NTRK1: variants seen among roughly 807,000 people sequenced by gnomAD.
NTRK1 encodes the protein high affinity nerve growth factor receptor.
In NTRK1, 62 loss-of-function variants were observed where a neutral mutation model predicts 86.8. That is an observed-to-expected ratio of 0.71 (90% CI 0.58 to 0.88). The LOEUF (loss-of-function observed/expected upper bound fraction) is 0.88, where lower values mean the gene tolerates loss of function less well. Among genes scored for constraint, NTRK1 ranks in the 40% least tolerant of loss-of-function variants. The pLI is 0.00. For synonymous variants in NTRK1, 469 were observed against 456.6 expected (o/e 1.03, Z -0.35); for missense variants, 967 against 1,078.4 (o/e 0.90, Z 1.45).
At chr1:156,855,922 T>C (rs916770720), upstream of NTRK1, among the ~76,000 whole-genome samples, 4 of 151,890 alleles carry the variant, frequency 2.6e-5, no homozygotes, top group Non-Finnish European at 5.9e-5. Flanking sequence ...AATGTGCGTG[T>C]GTGTGTGTGT....
intron 2 of NTRK1, chr1:156,845,633 C>T: frequency 6.3e-7 from 1 of 1,598,664 alleles, no homozygotes; most frequent in South Asian, 1.1e-5. Flanking sequence ...GGATGGTGAT[C>T]GCGTTGTGTA....
At chr1:156,840,685 C>G (rs981518999) in intron 1 of NTRK1, 1 of 611,244 alleles carries the variant, frequency 1.6e-6, no homozygotes, top group South Asian at 2.0e-5. Context: ...GACTCAGAGT[C>G]TGAGAAACTC....
At position 156,854,444 on chromosome 1, in the gene NTRK1, T is replaced by G. The variant is rs1655341414; in HGVS notation, c.51-9910T>G. On this transcript the variant is annotated intron_variant, in intron 2 of 16. Transcript: ENST00000392302. This position sits in a 1 kb window ranked among gnomAD's most constrained non-coding sequence, Gnocchi z 4.2. ...GCTCTGCTCTGGGTGTGGGGTGGCC[T>G]CCTTCCTGGGCCCCGGAGGGCTCAC... 10 of 914,102 alleles carry G rather than the reference T, an allele frequency of 1.1e-5. No individual in the cohort carries two copies. Among genetic ancestry groups the G allele is most frequent in the Non-Finnish European group, 1.4e-5 (9 of 621,824 alleles). 56.6% of individuals were successfully genotyped at this position (914,102 alleles called of 1,614,324 possible).
chr1:156,874,773 C>G (rs752777919), intron 10 of NTRK1, 133 bp from the exon 11 acceptor site: 2 of 1,180,632 alleles, frequency 1.7e-6, no homozygotes, highest in Non-Finnish European at 2.5e-6. Context: ...CTGCAGGGGT[C>G]CCCAGGGGAG....
chr1:156,830,673 A>G (rs1571645675), intron 1 of NTRK1, among the ~76,000 whole-genome samples: 1 of 147,676 alleles, frequency 6.8e-6, no homozygotes, highest in Non-Finnish European at 1.5e-5. Flanking sequence ...TCTTGCCTCA[A>G]CCTCCTGAGT....
chr1:156,849,321 C>G, intron 2 of NTRK1: 1 of 1,613,954 alleles, frequency 6.2e-7, no homozygotes, highest in East Asian at 2.2e-5. Flanking sequence ...GTCACCTCCT[C>G]CAGTCGGTAG....
At chr1:156,846,628 A>T in intron 2 of NTRK1, 1 of 1,614,042 alleles carries the variant, frequency 6.2e-7, no homozygotes, top group Non-Finnish European at 8.5e-7. Flanking sequence ...ACTGTGTCCA[A>T]GGCTTGAGGG....
At chr1:156,848,479 G>C (rs1339721670) in intron 2 of NTRK1, among the ~76,000 whole-genome samples, 1 of 152,176 alleles carries the variant, frequency 6.6e-6, no homozygotes, top group Admixed American at 6.5e-5. Flanking sequence ...CCAAAGAAAA[G>C]AGCAGCTGTG....
intron 2 of NTRK1, among the ~76,000 whole-genome samples, chr1:156,848,297 A>G (rs920692796): frequency 2.6e-5 from 4 of 152,138 alleles, no homozygotes; most frequent in Non-Finnish European, 5.9e-5. Context: ...ATCTTCTATA[A>G]TATCTACCAG....
chr1:156,824,976 G>A (rs971385722), intron 1 of NTRK1, among the ~76,000 whole-genome samples: 1 of 152,076 alleles, frequency 6.6e-6, no homozygotes, highest in Non-Finnish European at 1.5e-5. Flanking sequence ...TGCAACCTCC[G>A]CCTCCCAGGT....
intron 2 of NTRK1, chr1:156,846,533 C>A (rs762613259): frequency 6.2e-6 from 10 of 1,613,526 alleles, no homozygotes. Context: ...AGGCAGCGTT[C>A]GGAGGTAGAC....
intron 2 of NTRK1, chr1:156,846,059 C>T (rs774562883): frequency 6.2e-7 from 1 of 1,612,876 alleles, no homozygotes; most frequent in East Asian, 2.2e-5. Context: ...TGGCTTCCAG[C>T]GCACCAGGAG....
chr1:156,827,513 C>T (rs1227210682), intron 1 of NTRK1, among the ~76,000 whole-genome samples: 4 of 152,078 alleles, frequency 2.6e-5, no homozygotes, highest in South Asian at 2.1e-4. Flanking sequence ...CCATACACCT[C>T]GGCCTCCCCA....
chr1:156,817,608 C>A (rs1466518722), intron 1 of NTRK1, among the ~76,000 whole-genome samples: 1 of 151,144 alleles, frequency 6.6e-6, no homozygotes, highest in Admixed American at 6.6e-5. Context: ...TCAACACTAT[C>A]AGCAGTTGTC....
intron 1 of NTRK1, among the ~76,000 whole-genome samples, chr1:156,829,945 G>A (rs1481226032): frequency 2.6e-5 from 4 of 152,204 alleles, no homozygotes; most frequent in Middle Eastern, 3.2e-3. Flanking sequence ...GAGCCACTAC[G>A]CTTGGCCCAG....
intron 14 of NTRK1, among the ~76,000 whole-genome samples, chr1:156,878,419 G>T (rs1177484908): frequency 1.3e-5 from 2 of 152,192 alleles, no homozygotes; most frequent in African/African-American, 2.4e-5. Flanking sequence ...CTGCTTATCT[G>T]CATCATACTC....
At chr1:156,852,127 C>T (rs191929006) in intron 2 of NTRK1, 2 of 1,613,390 alleles carry the variant, frequency 1.2e-6, no homozygotes, top group East Asian at 4.5e-5. Context: ...TGCAGCCCCC[C>T]AGGCATTCGG....
intron 2 of NTRK1, chr1:156,848,784 C>T: frequency 1.9e-6 from 2 of 1,031,456 alleles, no homozygotes; most frequent in East Asian, 2.6e-5. Context: ...TGGGCCCTAC[C>T]ACGGAGTACA....
At chr1:156,838,372 A>G (rs867987625) in intron 1 of NTRK1, among the ~76,000 whole-genome samples, 3 of 131,572 alleles carry the variant, frequency 2.3e-5, no homozygotes, top group Middle Eastern at 7.6e-3. Flanking sequence ...AGCCAGCTAC[A>G]GGCTTTTTTT....
Sources: gnomAD v4.1 joint callset for allele counts (sites outside exome capture counted in the v4.1 genomes callset) on GRCh38, gnomAD v4.1.1 for gene constraint, Gnocchi (gnomAD v3.1) non-coding constraint, MANE v1.5 for transcripts, NCBI Gene and HGNC (gene_info 2026-07-23, HGNC 2026-07-21) for gene names.